Variants in AFG2A observed in about 807,000 individuals in gnomAD.
The protein encoded by AFG2A is ATPase family gene 2 protein homolog A.
chr4:123,101,271 A>G, the AFG2A span, among the ~76,000 whole-genome samples: 14 of 151,946 alleles, frequency 9.2e-5, no homozygotes, highest in African/African-American at 3.4e-4. Context: ...GAGAAACTAG[A>G]TGGTTGAGAT....
At chr4:123,303,771 A>C in the AFG2A span, among the ~76,000 whole-genome samples, 3 of 151,936 alleles carry the variant, frequency 2.0e-5, no homozygotes, top group Non-Finnish European at 2.9e-5. Flanking sequence ...CAACAAAAAC[A>C]AACAAACAAA....
the AFG2A span, among the ~76,000 whole-genome samples, chr4:123,287,564 A>G: frequency 1.3e-5 from 2 of 152,214 alleles, no homozygotes; most frequent in Non-Finnish European, 2.9e-5. Flanking sequence ...TAAGTCAGAT[A>G]TCTTATTTTA....
the AFG2A span, among the ~76,000 whole-genome samples, chr4:123,201,859 C>T: frequency 6.6e-6 from 1 of 151,950 alleles, no homozygotes; most frequent in African/African-American, 2.4e-5. Context: ...GAGGTCGAGG[C>T]TGCAGTGGGC....
At chr4:123,152,488 A>G in the AFG2A span, among the ~76,000 whole-genome samples, 3 of 152,374 alleles carry the variant, frequency 2.0e-5, no homozygotes, top group South Asian at 6.2e-4. Flanking sequence ...GAAGATATCC[A>G]CATATCAAAT....
the AFG2A span, among the ~76,000 whole-genome samples, chr4:123,114,141 G>GGCTCT: frequency 1.3e-5 from 2 of 152,088 alleles, no homozygotes; most frequent in Non-Finnish European, 2.9e-5. Flanking sequence ...TCCCTCCACT[G>GGCTCT]GCTCTGCTCT....
chr4:123,046,763 A>T, the AFG2A span, among the ~76,000 whole-genome samples: 12 of 152,082 alleles, frequency 7.9e-5, no homozygotes, highest in African/African-American at 2.9e-4. Context: ...TTTTGTACCC[A>T]TTAGCCAATT....
the AFG2A span, among the ~76,000 whole-genome samples, chr4:123,031,890 C>CAT: frequency 1.3e-5 from 2 of 152,130 alleles, no homozygotes; most frequent in South Asian, 4.1e-4. Context: ...TGCCCTCTGG[C>CAT]ATATATATGT....
At chr4:123,207,305 T>TC in the AFG2A span, among the ~76,000 whole-genome samples, 1 of 149,114 alleles carries the variant, frequency 6.7e-6, no homozygotes, top group Non-Finnish European at 1.5e-5. Flanking sequence ...TTTTTTTTTT[T>TC]TGTGAGACAC....
the AFG2A span, among the ~76,000 whole-genome samples, chr4:123,115,599 AG>A: frequency 6.6e-6 from 1 of 152,118 alleles, no homozygotes; most frequent in Non-Finnish European, 1.5e-5. Context: ...GCCTGCAGGT[AG>A]GTCAGCCCGG....
At chr4:123,186,438 A>G in the AFG2A span, among the ~76,000 whole-genome samples, 1 of 152,200 alleles carries the variant, frequency 6.6e-6, no homozygotes, top group Admixed American at 6.5e-5. Context: ...TGCCTAAGAC[A>G]GCTTTTAGAG....
chr4:123,224,384 C>T, the AFG2A span, among the ~76,000 whole-genome samples: 3 of 151,844 alleles, frequency 2.0e-5, no homozygotes, highest in Non-Finnish European at 2.9e-5. Flanking sequence ...CAACAGGCCC[C>T]GGTGTGTGAT....
At chr4:122,988,232 T>C in the AFG2A span, among the ~76,000 whole-genome samples, 1 of 151,914 alleles carries the variant, frequency 6.6e-6, no homozygotes, top group Non-Finnish European at 1.5e-5. Flanking sequence ...CTTTTGAGAA[T>C]ATGATTATAA....
chr4:123,103,704 T>C, the AFG2A span, among the ~76,000 whole-genome samples: 1 of 152,186 alleles, frequency 6.6e-6, no homozygotes. Context: ...GACCTGTTTG[T>C]AATGTTTATA....
the AFG2A span, among the ~76,000 whole-genome samples, chr4:123,043,738 G>A: frequency 6.6e-6 from 1 of 152,172 alleles, no homozygotes; most frequent in Non-Finnish European, 1.5e-5. Context: ...TAAGATAAAT[G>A]CCTAATGATG....
the AFG2A span, among the ~76,000 whole-genome samples, chr4:123,099,471 G>A: frequency 6.6e-6 from 1 of 151,100 alleles, no homozygotes; most frequent in African/African-American, 2.4e-5. Flanking sequence ...TCTTTCAGTA[G>A]TTTTTCAGTT....
chr4:123,168,251 C>T, the AFG2A span, among the ~76,000 whole-genome samples: 5 of 152,130 alleles, frequency 3.3e-5, no homozygotes, highest in East Asian at 9.7e-4. Context: ...CTGACTGTGC[C>T]CTTTGTCAGT....
the AFG2A span, among the ~76,000 whole-genome samples, chr4:123,088,035 A>G: frequency 2.6e-5 from 4 of 152,188 alleles, no homozygotes; most frequent in African/African-American, 9.7e-5. Flanking sequence ...GAAACATCCC[A>G]TTAACTGTAG....
At chr4:123,197,716 T>G in the AFG2A span, among the ~76,000 whole-genome samples, 1 of 151,278 alleles carries the variant, frequency 6.6e-6, no homozygotes, top group African/African-American at 2.4e-5. Flanking sequence ...TGCAGTGAGC[T>G]TAGATCACGC....
At chr4:123,236,869 A>C in the AFG2A span, among the ~76,000 whole-genome samples, 1 of 152,244 alleles carries the variant, frequency 6.6e-6, no homozygotes, top group East Asian at 1.9e-4. Context: ...GATAAGCCAG[A>C]TGATTCCTGT....
Sources: allele counts gnomAD v4.1 joint callset (sites outside exome capture counted in the v4.1 genomes callset), GRCh38; gene constraint gnomAD v4.1.1; transcripts MANE v1.5; gene names NCBI Gene and HGNC (gene_info 2026-07-23, HGNC 2026-07-21).